The following LIMCH1 variants were observed in gnomAD, a reference collection of about 807,000 sequenced individuals.
The protein encoded by LIMCH1 is LIM and calponin homology domains 1.
A neutral mutation model predicts 176.5 loss-of-function variants in LIMCH1; 113 were observed. That is an observed-to-expected ratio of 0.64 (90% confidence interval 0.55 to 0.75). The LOEUF (loss-of-function observed/expected upper bound fraction) is 0.75. LIMCH1 is among the 30% of genes least tolerant of loss of function. The pLI, the probability that LIMCH1 is intolerant of heterozygous loss-of-function variation, is 0.00. For missense variants in LIMCH1, 1,674 were observed against 1,814.9 expected, an observed-to-expected ratio of 0.92 and a Z score of 1.41; for synonymous variants, 619 against 645.9, an observed-to-expected ratio of 0.96 and a Z score of 0.63.
intron 3 of LIMCH1, among the ~76,000 whole-genome samples, chr4:41,530,785 A>C (rs1188991847): frequency 1.0e-5 from 1 of 96,636 alleles, no homozygotes; most frequent in East Asian, 2.5e-4. Context: ...ACAAGAGCGA[A>C]ACCCCGCCTA....
intron 1 of LIMCH1, among the ~76,000 whole-genome samples, chr4:41,587,837 C>G (rs1229296079): frequency 6.6e-6 from 1 of 152,200 alleles, no homozygotes; most frequent in Non-Finnish European, 1.5e-5. Context: ...CGTCATCATT[C>G]TAACCCAGAC....
At chr4:41,387,219 A>G (rs2056608945) in intron 1 of LIMCH1, among the ~76,000 whole-genome samples, 1 of 152,270 alleles carries the variant, frequency 6.6e-6, no homozygotes, top group Non-Finnish European at 1.5e-5. Context: ...AACATACATG[A>G]GAACATACAT....
chr4:41,459,186 A>C (rs2064997577), intron 1 of LIMCH1, among the ~76,000 whole-genome samples: 1 of 152,162 alleles, frequency 6.6e-6, no homozygotes, highest in African/African-American at 2.4e-5. Context: ...AAGGATAAAG[A>C]GCTTAAAGAG....
intron 1 of LIMCH1, among the ~76,000 whole-genome samples, chr4:41,471,278 A>G (rs951586610): frequency 1.3e-5 from 2 of 152,216 alleles, no homozygotes; most frequent in African/African-American, 4.8e-5. Flanking sequence ...TTCAACTACT[A>G]TGCATTATGA....
chr4:41,621,836 T>A (rs1300153860), intron 7 of LIMCH1, among the ~76,000 whole-genome samples: 1 of 152,200 alleles, frequency 6.6e-6, no homozygotes, highest in Non-Finnish European at 1.5e-5. Flanking sequence ...ATTCGGATGC[T>A]CTGACCACAG....
chr4:41,657,876 A>G (rs1463548347), intron 18 of LIMCH1, among the ~76,000 whole-genome samples: 1 of 152,086 alleles, frequency 6.6e-6, no homozygotes, highest in African/African-American at 2.4e-5. Flanking sequence ...AAGGGGAGAG[A>G]TTCCAGGAGA....
intron 1 of LIMCH1, among the ~76,000 whole-genome samples, chr4:41,386,419 G>A (rs1455495332): frequency 6.6e-6 from 1 of 152,158 alleles, no homozygotes; most frequent in Non-Finnish European, 1.5e-5. Context: ...CTATCTTATA[G>A]GGTTGTTTTC....
At chr4:41,484,998 G>A (rs2154169542) in intron 1 of LIMCH1, among the ~76,000 whole-genome samples, 1 of 152,248 alleles carries the variant, frequency 6.6e-6, no homozygotes, top group East Asian at 1.9e-4. Flanking sequence ...GACTTTTTAT[G>A]GCAATTACAT....
chr4:41,497,560 T>C (rs1206030487), intron 2 of LIMCH1, among the ~76,000 whole-genome samples: 2 of 152,184 alleles, frequency 1.3e-5, no homozygotes, highest in East Asian at 1.9e-4. Context: ...TCCCAGCACT[T>C]TGGGAGGCAG....
At chr4:41,451,794 A>G (rs1467982258) in intron 1 of LIMCH1, among the ~76,000 whole-genome samples, 1 of 152,204 alleles carries the variant, frequency 6.6e-6, no homozygotes, top group African/African-American at 2.4e-5. Context: ...GTAGCACTGT[A>G]TGTTCAATTA....
intron 18 of LIMCH1, among the ~76,000 whole-genome samples, chr4:41,652,655 T>A (rs2094342471): frequency 6.6e-6 from 1 of 152,222 alleles, no homozygotes; most frequent in Non-Finnish European, 1.5e-5. Flanking sequence ...CTGTTCTTAT[T>A]TCTCTTTTGC....
At chr4:41,411,956 C>CAAAAAA (rs61054692) in intron 1 of LIMCH1, among the ~76,000 whole-genome samples, 5 of 38,574 alleles carry the variant, frequency 1.3e-4, no homozygotes, top group Admixed American at 5.0e-4. Flanking sequence ...GACTCCATCT[C>CAAAAAA]AAAAAAAAAA....
chr4:41,462,700 A>G (rs2065545683), intron 1 of LIMCH1, among the ~76,000 whole-genome samples: 1 of 152,216 alleles, frequency 6.6e-6, no homozygotes, highest in African/African-American at 2.4e-5. Flanking sequence ...CCAAAACCAC[A>G]AAGCAATTTA....
intron 31 of LIMCH1, 28 bp downstream of exon 31, chr4:41,692,412 T>C (rs770042051): frequency 7.9e-6 from 11 of 1,400,086 alleles, no homozygotes; most frequent in Non-Finnish European, 1.0e-6. Context: ...TGCCTCATGA[T>C]GACCGAGTGT....
chr4:41,464,388 A>AGATG (rs2065819798), intron 1 of LIMCH1, among the ~76,000 whole-genome samples: 1 of 128,922 alleles, frequency 7.8e-6, no homozygotes, highest in East Asian at 2.2e-4. Flanking sequence ...TTTTTTTCTG[A>AGATG]GATGGAGTCT....
chr4:41,430,651 T>C (rs2061523422), intron 1 of LIMCH1, among the ~76,000 whole-genome samples: 1 of 152,226 alleles, frequency 6.6e-6, no homozygotes, highest in Non-Finnish European at 1.5e-5. Context: ...AAGTTACAAA[T>C]AGCTACTAAA....
At chr4:41,534,117 T>C (rs1647515526), upstream of LIMCH1, among the ~76,000 whole-genome samples, 2 of 152,148 alleles carry the variant, frequency 1.3e-5, no homozygotes, top group East Asian at 1.9e-4. Context: ...TATGGCAAGA[T>C]ACCAGCAATA....
chr4:41,371,025 G>A lies in LIMCH1; in HGVS notation c.96+10089G>A, dbSNP rs115536039. Among the ~76,000 whole-genome samples the A allele has an allele frequency of 4.6e-3, 699 of 152,238 alleles. 13 individuals carry two copies. The highest frequency in any genetic ancestry group is 0.016 in the African/African-American group (667 of 41,536). On this transcript the variant is annotated intron_variant, in intron 1 of 26. Transcript: ENST00000313860. ...CTTGGACTGGTGACTGCTGTGTCCC[G>A]CTGCCTTATCCTTAACAGCTGCTCC...
chr4:41,508,415 T>C (rs954152283), intron 2 of LIMCH1, among the ~76,000 whole-genome samples: 3 of 151,966 alleles, frequency 2.0e-5, no homozygotes, highest in Non-Finnish European at 4.4e-5. Flanking sequence ...GCAGGATGAG[T>C]TCGGGATATG....
Sources: gnomAD v4.1 joint callset for allele counts (sites outside exome capture counted in the v4.1 genomes callset) on GRCh38, gnomAD v4.1.1 for gene constraint, MANE v1.5 for transcripts, NCBI Gene and HGNC (gene_info 2026-07-23, HGNC 2026-07-21) for gene names.